Variants in LTBP1 observed in about 807,000 individuals in gnomAD.
LTBP1 encodes latent transforming growth factor beta binding protein 1, also known as latent-transforming growth factor beta-binding protein 1.
A neutral mutation model predicts 207.6 loss-of-function variants in LTBP1; 129 were observed. That is an observed-to-expected ratio of 0.62 (90% confidence interval 0.54 to 0.72). The LOEUF (loss-of-function observed/expected upper bound fraction) is 0.72, where lower values mean the gene tolerates loss of function less well. LTBP1 is among the 30% of genes least tolerant of loss of function. The pLI, the probability that LTBP1 is intolerant of heterozygous loss-of-function variation, is 0.00. For synonymous variants in LTBP1, 963 were observed against 833.7 expected (o/e 1.16, Z -2.67); for missense variants, 2,281 against 2,217.2 (o/e 1.03, Z -0.58).
chr2:32,998,259 T>TG (rs1685580654), intron 2 of LTBP1, among the ~76,000 whole-genome samples: 1 of 152,082 alleles, frequency 6.6e-6, no homozygotes, highest in African/African-American at 2.4e-5. Context: ...GGCTCACGCC[T>TG]GTAATCCCAG....
chr2:33,052,552 A>G (rs1256458222), intron 3 of LTBP1, among the ~76,000 whole-genome samples: 2 of 152,242 alleles, frequency 1.3e-5, no homozygotes, highest in African/African-American at 2.4e-5. Context: ...TTTGGCAACT[A>G]CATATTTTGT....
chr2:33,342,845 T>A lies in LTBP1; in HGVS notation c.3738T>A (p.Asp1246Glu). Reference sequence around the variant, plus strand: ...TCCATGTCTTTTTTGCAGATATTGATGAATGTGTAAACAACACTGTTTGTG... The same window carrying A: ...TCCATGTCTTTTTTGCAGATATTGAAGAATGTGTAAACAACACTGTTTGTG... Reference protein sequence around the residue: ...SADGRTCEDIDECVNNTVCDS... With the variant: ...SADGRTCEDIEECVNNTVCDS... The change falls in exon 25 of 34, where the codon GAT becomes GAA. Residue 1246 changes from aspartate to glutamate, a missense_variant. By Grantham distance (45) the Asp-to-Glu change is conservative. Around this residue, in one of 3 missense-constraint regions of LTBP1, gnomAD observed 1,671 missense variants for 1,634.8 expected, o/e 1.02. Coordinates refer to ENST00000404816, the MANE Select transcript of LTBP1 (RefSeq NM_206943.4). 1 of 1,613,650 alleles carries A rather than the reference T, an allele frequency of 6.2e-7. No individual in the cohort carries two copies. The highest frequency in any genetic ancestry group is 2.2e-5 in the East Asian group (1 of 44,866).
At chr2:33,199,502 A>G (rs1476273441) in intron 7 of LTBP1, among the ~76,000 whole-genome samples, 1 of 152,182 alleles carries the variant, frequency 6.6e-6, no homozygotes, top group Non-Finnish European at 1.5e-5. Flanking sequence ...CCTGTGACAG[A>G]CCCACAGCCA....
At position 33,263,338 on chromosome 2, in the gene LTBP1, C is replaced by T. The variant is rs143807474; in HGVS notation, c.2563C>T (p.Pro855Ser). 1.4e-5 allele frequency: 23 copies of T among 1,613,980 alleles called. No homozygotes were observed. The Admixed American group carries it at 1.5e-4, about 11-fold the overall frequency. The change falls in exon 15 of 34, where the codon CCT (proline) becomes TCT (serine). Residue 855 changes from proline (P) to serine (S), a missense_variant. Pro to Ser is a moderately conservative substitution (Grantham distance 74, BLOSUM62 -1). Coordinates refer to ENST00000404816, the MANE Select transcript of LTBP1 (RefSeq NM_206943.4). ...TSPPVPVEVA[P>S]EASTSSASQV... ...ACCTCCTGTGCCTGTTGAAGTAGCTCCTGAAGCTTCTACGTCTAGTGCCAG... is the reference window on the plus strand; with the variant it reads ...ACCTCCTGTGCCTGTTGAAGTAGCTTCTGAAGCTTCTACGTCTAGTGCCAG...
At chr2:33,125,164 A>G (rs1572745384) in intron 4 of LTBP1, among the ~76,000 whole-genome samples, 1 of 152,228 alleles carries the variant, frequency 6.6e-6, no homozygotes, top group South Asian at 2.1e-4. Flanking sequence ...AGTAATGCTC[A>G]TTACAAGTGT....
intron 26 of LTBP1, among the ~76,000 whole-genome samples, chr2:33,357,768 A>G (rs1402789566): frequency 3.3e-5 from 5 of 152,252 alleles, no homozygotes; most frequent in Admixed American, 2.0e-4. Flanking sequence ...GAGGAGTAAT[A>G]TATTTTTTAG....
chr2:33,223,941 T>C (rs2091285361), intron 9 of LTBP1, among the ~76,000 whole-genome samples: 1 of 152,164 alleles, frequency 6.6e-6, no homozygotes. Context: ...AAACAAGACA[T>C]ACCTAATAAC....
rs555559366 is a variant in LTBP1, at chr2:33,134,753, A to G, written c.1034-40A>G. 1 of 1,613,244 alleles carries G rather than the reference A, an allele frequency of 6.2e-7. No individual in the cohort carries two copies. Among genetic ancestry groups the G allele is most frequent in the African/African-American group, 1.3e-5 (1 of 74,680 alleles). ...AGGCAAGTTCATGGATACTAAGCTG[A>G]TGTGTTTGTTGTTCTTTTTCTCCCT... is the stretch of plus-strand genomic sequence containing the variant. On this transcript the variant is annotated intron_variant, in intron 4 of 33. Transcript: ENST00000404816. The surrounding 1 kb of genome is among the most constrained non-coding windows in gnomAD (Gnocchi z 4.4).
chr2:33,214,267 C>T (rs1429683876), intron 7 of LTBP1, among the ~76,000 whole-genome samples: 1 of 152,174 alleles, frequency 6.6e-6, no homozygotes, highest in Non-Finnish European at 1.5e-5. Flanking sequence ...AGTCTTAGGC[C>T]TGGGTCATTG....
At chr2:33,356,431 G>A (rs986833932) in intron 26 of LTBP1, among the ~76,000 whole-genome samples, 2 of 152,196 alleles carry the variant, frequency 1.3e-5, no homozygotes, top group Non-Finnish European at 2.9e-5. Flanking sequence ...TGTAATCCCA[G>A]CACTTTGGGA....
At chr2:33,199,350 T>C (rs570709274) in intron 7 of LTBP1, among the ~76,000 whole-genome samples, 59 of 152,294 alleles carry the variant, frequency 3.9e-4, no homozygotes, top group African/African-American at 9.4e-4. Context: ...AGGTGTGGTG[T>C]GGTGCTGAAA....
intron 5 of LTBP1, among the ~76,000 whole-genome samples, chr2:33,166,365 G>C (rs966120856): frequency 1.3e-5 from 2 of 152,178 alleles, no homozygotes; most frequent in Non-Finnish European, 2.9e-5. Context: ...GTATACCCAA[G>C]TAGTTTCTCT....
intron 3 of LTBP1, among the ~76,000 whole-genome samples, chr2:33,087,083 G>GGTTTTTTTTT: frequency 3.0e-5 from 1 of 33,122 alleles, no homozygotes; most frequent in Non-Finnish European, 7.1e-5. Context: ...CCTCCTTTAT[G>GGTTTTTTTTT]CTTTTTTTTT....
chr2:33,367,230 C>G (rs1375894497), intron 31 of LTBP1, among the ~76,000 whole-genome samples: 1 of 152,134 alleles, frequency 6.6e-6, no homozygotes, highest in Non-Finnish European at 1.5e-5. Context: ...TTGGGGTCAT[C>G]TGATAATTAT....
chr2:33,152,115 A>C (rs1308033381), intron 5 of LTBP1, among the ~76,000 whole-genome samples: 1 of 152,236 alleles, frequency 6.6e-6, no homozygotes, highest in African/African-American at 2.4e-5. Context: ...AGGAACAGTC[A>C]GCAGAGTAAA....
Position 32,947,156 on chromosome 2 carries a change from C to G in LTBP1, c.-169C>G, listed in dbSNP as rs1347631847. 10 of 415,380 alleles carry G rather than the reference C, an allele frequency of 2.4e-5. No homozygotes were observed. In the Admixed American group the frequency reaches 2.8e-4, roughly 12 times the overall value. 25.7% of individuals were successfully genotyped at this position (415,380 alleles called of 1,614,324 possible). ...CACAATCGGCCGGGGTCTGGGGCCG[C>G]TCAGCTGCCCGCAGAGCCTCCTCCC... On this transcript the variant is annotated 5_prime_UTR_variant, in exon 1 of 34. Transcript: ENST00000404816.
chr2:33,167,521 A>G (rs561334935), intron 5 of LTBP1, among the ~76,000 whole-genome samples: 1 of 152,366 alleles, frequency 6.6e-6, no homozygotes, highest in Admixed American at 6.5e-5. Context: ...AACCCAGACA[A>G]TTAGAATTCT....
chr2:33,263,495 T>A, intron 15 of LTBP1, 103 bp downstream of exon 15: 1 of 709,610 alleles, frequency 1.4e-6, no homozygotes, highest in Non-Finnish European at 2.4e-6. Context: ...ATGGCAGGGT[T>A]AGCCATACTA....
At chr2:33,239,920 A>AAATAAATG (rs1179291028) in intron 9 of LTBP1, among the ~76,000 whole-genome samples, 1 of 151,214 alleles carries the variant, frequency 6.6e-6, no homozygotes, top group African/African-American at 2.4e-5. Context: ...ATAAATAAAT[A>AAATAAATG]AATAAATAAA....
Sources: gnomAD v4.1 joint callset for allele counts (sites outside exome capture counted in the v4.1 genomes callset) on GRCh38, gnomAD v4.1.1 for gene constraint, gnomAD v4.1.1 regional missense constraint, Gnocchi (gnomAD v3.1) non-coding constraint, MANE v1.5 for transcripts, NCBI Gene and HGNC (gene_info 2026-07-23, HGNC 2026-07-21) for gene names.